PRKAG2: variants seen among roughly 807,000 people sequenced by gnomAD.
The protein encoded by PRKAG2 is protein kinase AMP-activated non-catalytic subunit gamma 2, also known as 5'-AMP-activated protein kinase subunit gamma-2.
PRKAG2 carries 26 observed loss-of-function variants against 69.6 expected under a neutral mutation model. The ratio of observed to expected loss-of-function variants is 0.37; its 90% CI spans 0.27 to 0.52. The LOEUF (loss-of-function observed/expected upper bound fraction) is 0.52, where lower values mean the gene tolerates loss of function less well. Among genes scored for constraint, PRKAG2 ranks in the 20% least tolerant of loss-of-function variants. The pLI is 0.90. For synonymous variants in PRKAG2, 293 were observed against 285.0 expected, an observed-to-expected ratio of 1.03 and a Z score of -0.28; for missense variants, 557 against 740.0, an observed-to-expected ratio of 0.75 and a Z score of 2.87.
chr7:151,669,805 T>G (rs111293117), intron 4 of PRKAG2, among the ~76,000 whole-genome samples: 9 of 71,392 alleles, frequency 1.3e-4, no homozygotes, highest in African/African-American at 5.7e-4. Flanking sequence ...TGCACACACT[T>G]GCACACACAC....
chr7:151,637,240 AGTT>A (rs1825888020), intron 4 of PRKAG2, among the ~76,000 whole-genome samples: 1 of 152,226 alleles, frequency 6.6e-6, no homozygotes, highest in African/African-American at 2.4e-5. Flanking sequence ...TTTTAAAAAA[AGTT>A]TTTTAAAAAA....
In PRKAG2 at chr7:151,814,396, G is replaced by C; in HGVS notation, c.115-27855C>G. ...CAATCACTATGCATTTAGAAAGCCA[G>C]CTCCCGCAGGTCTGCTTACTCAGCC... is the stretch of plus-strand genomic sequence containing the variant. On this transcript the variant is annotated intron_variant, in intron 1 of 15. Coordinates refer to ENST00000287878, the MANE Select transcript of PRKAG2 (RefSeq NM_016203.4). This position sits in a 1 kb window ranked among gnomAD's most constrained non-coding sequence, Gnocchi z 4.8. 8.2e-7 allele frequency: 1 copy of C among 1,221,762 alleles called. No homozygotes were observed. The highest frequency in any genetic ancestry group is 1.6e-5 in the African/African-American group (1 of 64,340). 75.7% of individuals were successfully genotyped at this position (1,221,762 alleles called of 1,614,324 possible).
chr7:151,625,351 G>T (rs1208400733), intron 5 of PRKAG2, among the ~76,000 whole-genome samples: 3 of 152,204 alleles, frequency 2.0e-5, no homozygotes, highest in Non-Finnish European at 1.5e-5. Flanking sequence ...GCTGATGAAG[G>T]CCAGAGTAGC....
rs78915859 is a variant in PRKAG2, at chr7:151,592,885, T to C, written c.864+2460A>G. On this transcript the variant is annotated intron_variant, in intron 6 of 15. Coordinates refer to ENST00000287878, the MANE Select transcript of PRKAG2 (RefSeq NM_016203.4). ...CTAGAAAATACTCAAATCACCCCTT[T>C]TCAAATACATCTTTTTACCTTGACT... Among the ~76,000 whole-genome samples, 1,451 of 152,318 alleles carry C rather than the reference T, an allele frequency of 9.5e-3. 33 individuals are homozygous for C. Among genetic ancestry groups the C allele is most frequent in the African/African-American group, 0.032 (1,320 of 41,562 alleles).
At chr7:151,784,894 C>T (rs942196834) in intron 2 of PRKAG2, among the ~76,000 whole-genome samples, 7 of 152,138 alleles carry the variant, frequency 4.6e-5, no homozygotes, top group South Asian at 2.1e-4. Context: ...CCCCTCTCAC[C>T]GGGAACCTTG....
In PRKAG2 at chr7:151,572,683, A is replaced by G. The variant is rs1324733143; in HGVS notation, c.1032T>C (p.His344=). Residue 344 remains histidine, a synonymous_variant, in exon 9 of 16, where the codon CAT becomes CAC. Transcript: ENST00000287878. ...GCTTACCCCTCCATGTTTCAATTTT[A>G]TGTTCCTCTAATTCATAAATCTGTA... The part of the protein sequence containing the change: ...PMVQIYELEE[H]KIETWRELYL... 1.3e-6 allele frequency: 2 copies of G among 1,598,598 alleles called. No individual in the cohort carries two copies. Among genetic ancestry groups the G allele is most frequent in the Admixed American group, 1.7e-5 (1 of 59,814 alleles).
chr7:151,616,864 C>T (rs374144442), intron 5 of PRKAG2, among the ~76,000 whole-genome samples: 5 of 152,140 alleles, frequency 3.3e-5, no homozygotes, highest in South Asian at 2.1e-4. Context: ...ATGATGTAGC[C>T]GTATCTTAGC....
chr7:151,657,478 T>C (rs963671507), intron 4 of PRKAG2, among the ~76,000 whole-genome samples: 4 of 152,188 alleles, frequency 2.6e-5, no homozygotes, highest in African/African-American at 9.7e-5. Flanking sequence ...GGGAGTGCCA[T>C]TTGGTAAAAT....
chr7:151,874,179 T>C (rs2080302455), intron 1 of PRKAG2, among the ~76,000 whole-genome samples: 1 of 135,784 alleles, frequency 7.4e-6, no homozygotes, highest in Non-Finnish European at 1.5e-5. Flanking sequence ...ATGATGTATA[T>C]GTATATGTAT....
intron 4 of PRKAG2, chr7:151,675,008 G>A (rs955027195): frequency 1.5e-5 from 5 of 333,948 alleles, no homozygotes; most frequent in Admixed American, 4.1e-5. Flanking sequence ...TGCAGTGTCT[G>A]CCATCTAGGT....
At chr7:151,648,729 T>G (rs1585484206) in intron 4 of PRKAG2, among the ~76,000 whole-genome samples, 1 of 151,974 alleles carries the variant, frequency 6.6e-6, no homozygotes, top group Non-Finnish European at 1.5e-5. Context: ...TAAAATGAAA[T>G]GTAATAGAGG....
intron 1 of PRKAG2, among the ~76,000 whole-genome samples, chr7:151,824,165 A>G (rs1325052077): frequency 1.3e-5 from 2 of 152,230 alleles, no homozygotes; most frequent in Non-Finnish European, 2.9e-5. Flanking sequence ...TCAGGGACTC[A>G]AGGGCATGCC....
chr7:151,614,840 C>A lies in PRKAG2; in HGVS notation c.754+17229G>T, dbSNP rs1171782024. Among the ~76,000 whole-genome samples, 2 of 152,250 alleles carry A rather than the reference C, an allele frequency of 1.3e-5. No homozygotes were observed. Among genetic ancestry groups the A allele is most frequent in the African/African-American group, 4.8e-5 (2 of 41,466 alleles). On this transcript the variant is annotated intron_variant, in intron 5 of 15. Coordinates refer to ENST00000287878, the MANE Select transcript of PRKAG2 (RefSeq NM_016203.4). This position sits in a 1 kb window ranked among gnomAD's most constrained non-coding sequence, Gnocchi z 4.4. ...ACCACTGATCACTTGGCACTGGGCTCTCAGCCCCAGTCTCCTCACCTTTAC... is the reference window on the plus strand; with the variant it reads ...ACCACTGATCACTTGGCACTGGGCTATCAGCCCCAGTCTCCTCACCTTTAC...
At chr7:151,714,884 A>G (rs941065132) in intron 3 of PRKAG2, among the ~76,000 whole-genome samples, 1 of 151,300 alleles carries the variant, frequency 6.6e-6, no homozygotes, top group African/African-American at 2.4e-5. Flanking sequence ...CAGGAGGTGG[A>G]GGTTGCAGTG....
intron 5 of PRKAG2, among the ~76,000 whole-genome samples, chr7:151,596,702 T>C (rs1814616383): frequency 6.6e-6 from 1 of 151,992 alleles, no homozygotes; most frequent in Non-Finnish European, 1.5e-5. Flanking sequence ...TGGGCTGAGA[T>C]TGCGGCACTG....
At chr7:151,839,953 T>C (rs1390749727) in intron 1 of PRKAG2, among the ~76,000 whole-genome samples, 1 of 152,094 alleles carries the variant, frequency 6.6e-6, no homozygotes, top group East Asian at 1.9e-4. Context: ...CAGGGGTTCT[T>C]GGACAATTGG....
Position 151,632,404 on chromosome 7 carries a change from G to T in PRKAG2, c.685-266C>A. 8.0e-6 allele frequency: 4 copies of T among 499,180 alleles called. No individual in the cohort carries two copies. The highest frequency in any genetic ancestry group is 8.5e-5 in the South Asian group (1 of 11,712). 30.9% of individuals were successfully genotyped at this position (499,180 alleles called of 1,614,324 possible). A position where few individuals can be genotyped will look rare whatever the true frequency, so the allele number is the denominator to read the frequency against. On this transcript the variant is annotated intron_variant, in intron 4 of 15. Transcript: ENST00000287878. The surrounding 1 kb of genome is among the most constrained non-coding windows in gnomAD (Gnocchi z 4.2). ...GACGCGCCGCTCCCCCCCGCGCCTT[G>T]GTACGGCCCGCCCGGGAGGAAGCGT... is the stretch of plus-strand genomic sequence containing the variant.
At chr7:151,808,365 T>C (rs781399508) in intron 1 of PRKAG2, among the ~76,000 whole-genome samples, 53 of 152,112 alleles carry the variant, frequency 3.5e-4, no homozygotes, top group Non-Finnish European at 6.5e-4. Context: ...TGGGTGAAAC[T>C]GATTTGGGGG....
chr7:151,653,506 G>A (rs1010748896), intron 4 of PRKAG2, among the ~76,000 whole-genome samples: 16 of 152,164 alleles, frequency 1.1e-4, no homozygotes, highest in African/African-American at 3.9e-4. Flanking sequence ...AAATGCAACA[G>A]AGAAGCAAAC....
Sources: gnomAD v4.1 joint callset for allele counts (sites outside exome capture counted in the v4.1 genomes callset) on GRCh38, gnomAD v4.1.1 for gene constraint, Gnocchi (gnomAD v3.1) non-coding constraint, MANE v1.5 for transcripts, NCBI Gene and HGNC (gene_info 2026-07-23, HGNC 2026-07-21) for gene names.